Variants in RIMBP2 observed in about 807,000 individuals in gnomAD.
RIMBP2 encodes RIMS-binding protein 2.
Under a neutral mutation model 118.6 loss-of-function variants are expected in RIMBP2, and 48 were observed. The ratio of observed to expected loss-of-function variants is 0.40; its 90% CI spans 0.32 to 0.51. RIMBP2 has a LOEUF of 0.51. RIMBP2 is among the 20% of genes least tolerant of loss of function. The pLI, the probability that RIMBP2 is intolerant of heterozygous loss-of-function variation, is 0.41. For synonymous variants in RIMBP2, 762 were observed against 742.9 expected (o/e 1.03, Z -0.42); for missense variants, 1,551 against 1,768.3 (o/e 0.88, Z 2.20).
chr12:130,563,956 T>A (rs1470054597), intron 2 of RIMBP2, among the ~76,000 whole-genome samples: 3 of 115,878 alleles, frequency 2.6e-5, no homozygotes, highest in South Asian at 5.4e-4. Context: ...CCTCCTCTGC[T>A]GCTACATTTT....
At chr12:130,507,155 T>C (rs1232179271) in intron 3 of RIMBP2, among the ~76,000 whole-genome samples, 1 of 152,124 alleles carries the variant, frequency 6.6e-6, no homozygotes, top group East Asian at 1.9e-4. Flanking sequence ...CCGGAAGAAC[T>C]CTCCCTTTTG....
intron 2 of RIMBP2, among the ~76,000 whole-genome samples, chr12:130,539,686 C>T (rs11060983): frequency 8.8e-6 from 1 of 113,906 alleles, no homozygotes; most frequent in African/African-American, 3.2e-5. Flanking sequence ...CAAATGCAGT[C>T]GATGAGGTGG....
intron 4 of RIMBP2, among the ~76,000 whole-genome samples, chr12:130,491,475 G>A (rs1273651984): frequency 6.6e-6 from 1 of 152,200 alleles, no homozygotes; most frequent in African/African-American, 2.4e-5. Context: ...TTTCTGCAGT[G>A]CCCTGAAGTC....
chr12:130,580,806 G>A (rs886999666), intron 2 of RIMBP2, among the ~76,000 whole-genome samples: 1 of 152,080 alleles, frequency 6.6e-6, no homozygotes, highest in Non-Finnish European at 1.5e-5. Flanking sequence ...TGGGCGTGGT[G>A]GTGGGCACCT....
chr12:130,535,123 G>A (rs147414668), intron 2 of RIMBP2, among the ~76,000 whole-genome samples: 54 of 152,220 alleles, frequency 3.5e-4, no homozygotes, highest in African/African-American at 7.7e-4. Flanking sequence ...CAAGGGCTCC[G>A]GAGTGTTTCA....
chr12:130,672,764 C>T (rs933781063), intron 1 of RIMBP2, among the ~76,000 whole-genome samples: 6 of 152,180 alleles, frequency 3.9e-5, no homozygotes, highest in Non-Finnish European at 5.9e-5. Flanking sequence ...TCGCCGGAGC[C>T]TCTCATTTCT....
rs1266451197 is a variant in RIMBP2, at chr12:130,442,499, G to A, written c.853C>T (p.His285Tyr). ...CCCGCATCTATGTGGGTTGGGGAGTGGAGGTCCAGGATGTGCTCTCCCTCC... is the reference window on the plus strand; with the variant it reads ...CCCGCATCTATGTGGGTTGGGGAGTAGAGGTCCAGGATGTGCTCTCCCTCC... Reference protein sequence around the residue: ...GLEGEHILDLHSPTHIDAGIT... With the variant: ...GLEGEHILDLYSPTHIDAGIT... The change falls in exon 11 of 23, where the codon CAC becomes TAC. Residue 285 changes from histidine (H) to tyrosine (Y), a missense_variant. His to Tyr is a moderately conservative substitution (Grantham distance 83). Transcript: ENST00000690449. This position sits in a 1 kb window ranked among gnomAD's most constrained non-coding sequence, Gnocchi z 6.9. The A allele has an allele frequency of 6.2e-7, 1 of 1,614,184 alleles. No homozygotes were observed. The highest frequency in any genetic ancestry group is 1.7e-5 in the Admixed American group (1 of 60,024).
intron 1 of RIMBP2, among the ~76,000 whole-genome samples, chr12:130,678,489 G>A (rs2064609085): frequency 6.6e-6 from 1 of 152,156 alleles, no homozygotes; most frequent in Non-Finnish European, 1.5e-5. Flanking sequence ...AAAGGAGCCA[G>A]GCACGAAGGC....
intron 4 of RIMBP2, among the ~76,000 whole-genome samples, chr12:130,489,994 G>C (rs567245414): frequency 2.8e-4 from 43 of 152,118 alleles, no homozygotes; most frequent in Non-Finnish European, 5.9e-4. Context: ...CATGGTGGCA[G>C]GCACCTGTAG....
chr12:130,416,748 C>G (rs2076122196), intron 17 of RIMBP2, among the ~76,000 whole-genome samples: 1 of 152,104 alleles, frequency 6.6e-6, no homozygotes, highest in African/African-American at 2.4e-5. Flanking sequence ...AACTTCTGCA[C>G]AGCAAAAGAA....
At chr12:130,411,377 T>C (rs2075701793) in intron 19 of RIMBP2, among the ~76,000 whole-genome samples, 1 of 152,142 alleles carries the variant, frequency 6.6e-6, no homozygotes, top group Non-Finnish European at 1.5e-5. Context: ...GGTTATGACC[T>C]CCAGTATGAT....
chr12:130,677,854 A>G (rs2064570358), intron 1 of RIMBP2, among the ~76,000 whole-genome samples: 1 of 152,176 alleles, frequency 6.6e-6, no homozygotes, highest in African/African-American at 2.4e-5. Flanking sequence ...TAAAGCATAA[A>G]CCAGATCACA....
chr12:130,647,988 A>T (rs1301409650), intron 1 of RIMBP2, among the ~76,000 whole-genome samples: 3 of 127,582 alleles, frequency 2.4e-5, no homozygotes, highest in Non-Finnish European at 1.9e-5. Flanking sequence ...GCTCCGTTGG[A>T]TAACACATGC....
chr12:130,409,435 C>T (rs1227108260), intron 19 of RIMBP2, among the ~76,000 whole-genome samples: 2 of 150,380 alleles, frequency 1.3e-5, no homozygotes, highest in Admixed American at 6.6e-5. Flanking sequence ...CTCCGCCTCC[C>T]GGGTTCATGC....
At chr12:130,407,300 T>TG (rs1276201613) in intron 20 of RIMBP2, among the ~76,000 whole-genome samples, 4 of 152,186 alleles carry the variant, frequency 2.6e-5, no homozygotes, top group African/African-American at 7.2e-5. Context: ...CATCCCAAGC[T>TG]GTGCCAGGCG....
chr12:130,614,379 C>G (rs1024363435), intron 2 of RIMBP2, among the ~76,000 whole-genome samples: 5 of 152,184 alleles, frequency 3.3e-5, no homozygotes, highest in Admixed American at 2.0e-4. Context: ...ACGACATTCC[C>G]TCTGCCCTAA....
chr12:130,473,296 T>C (rs953437044), intron 5 of RIMBP2, among the ~76,000 whole-genome samples: 2 of 152,188 alleles, frequency 1.3e-5, no homozygotes, highest in African/African-American at 4.8e-5. Flanking sequence ...GTGCGACCTT[T>C]ACGGAGAGTG....
intron 1 of RIMBP2, among the ~76,000 whole-genome samples, chr12:130,706,950 C>T (rs2066150309): frequency 1.3e-5 from 2 of 152,190 alleles, no homozygotes; most frequent in South Asian, 2.1e-4. Context: ...GAGAGACCCA[C>T]CTTCCCAGCC....
At chr12:130,459,827 T>G (rs547418516) in intron 6 of RIMBP2, among the ~76,000 whole-genome samples, 1 of 152,180 alleles carries the variant, frequency 6.6e-6, no homozygotes, top group South Asian at 2.1e-4. Context: ...CTGCATACTC[T>G]CTGTGGTTTG....
Sources: allele counts gnomAD v4.1 joint callset (sites outside exome capture counted in the v4.1 genomes callset), GRCh38; gene constraint gnomAD v4.1.1; non-coding constraint Gnocchi (gnomAD v3.1); transcripts MANE v1.5; gene names NCBI Gene and HGNC (gene_info 2026-07-23, HGNC 2026-07-21).